Variants in MELK observed in about 807,000 individuals in gnomAD.
The protein encoded by MELK is maternal embryonic leucine zipper kinase.
A neutral mutation model predicts 85.0 loss-of-function variants in MELK; 81 were observed. The observed-to-expected ratio is 0.95, with a 90% CI of 0.80 to 1.15. MELK has a LOEUF of 1.15. Among genes scored for constraint, MELK ranks in the 50% most tolerant of loss-of-function variants. MELK has a pLI of 0.00. For synonymous variants in MELK, 252 were observed against 265.0 expected (o/e 0.95, Z 0.48); for missense variants, 754 against 777.5 (o/e 0.97, Z 0.36).
rs143806132 is a variant in MELK, at chr9:36,604,568, G to A, written c.568-3007G>A. ...CAACAGGACCATATTGGCCAGGCTGGTCTCGAACTCCTGACCTCAGCTGAT... is the reference window on the plus strand; with the variant it reads ...CAACAGGACCATATTGGCCAGGCTGATCTCGAACTCCTGACCTCAGCTGAT... On this transcript the variant is annotated intron_variant, in intron 7 of 17. Transcript: ENST00000298048. Among the ~76,000 whole-genome samples the A allele has an allele frequency of 3.5e-3, 540 of 152,136 alleles. 4 individuals carry two copies. The highest frequency in any genetic ancestry group is 6.9e-3 in the Middle Eastern group (2 of 290).
At chr9:36,674,104 G>C (rs10973021) in intron 16 of MELK, among the ~76,000 whole-genome samples, 11,935 of 152,220 alleles carry the variant, frequency 0.078, 678 homozygotes, top group Middle Eastern at 0.13. Context: ...GAAAGATATA[G>C]AAACTATGGT....
chr9:36,641,335 A>C (rs1829733820), intron 10 of MELK, among the ~76,000 whole-genome samples: 1 of 152,192 alleles, frequency 6.6e-6, no homozygotes, highest in South Asian at 2.1e-4. Flanking sequence ...TCTCTCTAGC[A>C]GATGATGAAA....
chr9:36,584,066 C>T (rs1367380701), intron 3 of MELK, among the ~76,000 whole-genome samples: 3 of 151,832 alleles, frequency 2.0e-5, no homozygotes, highest in Non-Finnish European at 4.4e-5. Context: ...AGTACAGTGG[C>T]GCGATCTCGG....
chr9:36,629,613 G>T (rs1408128435), intron 8 of MELK, among the ~76,000 whole-genome samples: 4 of 152,054 alleles, frequency 2.6e-5, no homozygotes, highest in Non-Finnish European at 5.9e-5. Context: ...GCTTCATTTT[G>T]TCAACTGATA....
At chr9:36,626,737 C>T (rs894669031) in intron 8 of MELK, among the ~76,000 whole-genome samples, 1 of 151,986 alleles carries the variant, frequency 6.6e-6, no homozygotes, top group African/African-American at 2.4e-5. Context: ...GCGGGCGGAT[C>T]ACCTGAGGTC....
chr9:36,647,064 T>C (rs1413618017), intron 11 of MELK, among the ~76,000 whole-genome samples: 1 of 152,182 alleles, frequency 6.6e-6, no homozygotes, highest in Non-Finnish European at 1.5e-5. Context: ...AACACAGAAC[T>C]CTCCTGTGCA....
At chr9:36,576,481 A>G (rs1821657868) in intron 1 of MELK, among the ~76,000 whole-genome samples, 1 of 151,956 alleles carries the variant, frequency 6.6e-6, no homozygotes, top group African/African-American at 2.4e-5. Context: ...TTGAGTGTCG[A>G]TATTTTTCCT....
intron 10 of MELK, among the ~76,000 whole-genome samples, chr9:36,641,794 A>C (rs184615917): frequency 6.6e-6 from 1 of 151,968 alleles, no homozygotes; most frequent in East Asian, 1.9e-4. Flanking sequence ...TTTAGTAGAG[A>C]CGGGGTTTCT....
intron 7 of MELK, among the ~76,000 whole-genome samples, chr9:36,602,211 G>T (rs970927897): frequency 5.3e-5 from 8 of 152,068 alleles, no homozygotes. Context: ...GTTTCACATG[G>T]GCTGGGCGCG....
At position 36,615,422 on chromosome 9, in the gene MELK, C is replaced by G. The variant is rs1173972727; in HGVS notation, c.666+7749C>G. ...ACCCCCCCACCTCCCTCCCGGACGG[C>G]ACGGCTGGCCAGGCGGGGGGCTGAC... On this transcript the variant is annotated intron_variant, in intron 8 of 17. Transcript: ENST00000298048. Among the ~76,000 whole-genome samples, 5 of 111,292 alleles carry G rather than the reference C, an allele frequency of 4.5e-5. No individual in the cohort carries two copies. In the East Asian group the frequency reaches 1.4e-3, roughly 31 times the overall value. The allele number at this position is 111,292 out of a possible 152,430, so 73.0% of individuals were successfully genotyped here.
In MELK at chr9:36,636,782, T is replaced by TTCTTTCTGTCTGTCTG. The variant is rs71494635; in HGVS notation, c.834+3585_834+3586insTTCTGTCTGTCTGTCT. Among the ~76,000 whole-genome samples the TTCTTTCTGTCTGTCTG allele has an allele frequency of 6.6e-3, 714 of 107,586 alleles. 5 individuals are homozygous for TTCTTTCTGTCTGTCTG. The highest frequency in any genetic ancestry group is 8.6e-3 in the Middle Eastern group (2 of 232). The allele number at this position is 107,586 out of a possible 152,430, so 70.6% of individuals were successfully genotyped here. On this transcript the variant is annotated intron_variant, in intron 10 of 17. Transcript: ENST00000298048. ...TTTCTTTCTTTCTTTCTTTCTTTCT[T>TTCTTTCTGTCTGTCTG]TCTGTCTGTCTTTCTTTCTTTCTGT...
intron 17 of MELK, 105 bp from the exon 18 acceptor site, chr9:36,677,055 A>G: frequency 2.1e-6 from 2 of 973,974 alleles, no homozygotes; most frequent in East Asian, 4.9e-5. Context: ...ATTGCTTAAT[A>G]TGAAATAATG....
chr9:36,611,464 A>C (rs977082888), intron 8 of MELK, among the ~76,000 whole-genome samples: 1 of 152,178 alleles, frequency 6.6e-6, no homozygotes, highest in African/African-American at 2.4e-5. Flanking sequence ...TAGCTAATGG[A>C]TTTAATTCTT....
intron 10 of MELK, among the ~76,000 whole-genome samples, chr9:36,634,275 T>C (rs775106579): frequency 7.2e-5 from 11 of 152,242 alleles, no homozygotes; most frequent in Non-Finnish European, 1.2e-4. Flanking sequence ...TAAAATTCTA[T>C]CATTGACAAC....
chr9:36,634,221 G>A (rs1345215697), intron 10 of MELK, among the ~76,000 whole-genome samples: 2 of 152,194 alleles, frequency 1.3e-5, no homozygotes, highest in Non-Finnish European at 2.9e-5. Flanking sequence ...CAAGATCATG[G>A]TGGCAAATAA....
chr9:36,584,568 C>T (rs1371992276), intron 3 of MELK, among the ~76,000 whole-genome samples: 3 of 148,168 alleles, frequency 2.0e-5, no homozygotes, highest in Admixed American at 6.8e-5. Context: ...CTCCAGACCT[C>T]GTGAACCGCG....
chr9:36,651,964 C>A, intron 12 of MELK, 87 bp downstream of exon 12: 2 of 1,244,614 alleles, frequency 1.6e-6, no homozygotes, highest in South Asian at 5.0e-5. Flanking sequence ...TTTCCGGTGT[C>A]AAGGAGTCAG....
intron 8 of MELK, among the ~76,000 whole-genome samples, chr9:36,623,290 C>T (rs7019260): frequency 0.034 from 5,248 of 152,282 alleles, 296 homozygotes; most frequent in African/African-American, 0.12. Context: ...TTGGTTTCTC[C>T]ATTTGTATAA....
chr9:36,657,169 A>G, intron 12 of MELK, 72 bp from the exon 13 acceptor site: 1 of 1,483,468 alleles, frequency 6.7e-7, no homozygotes, highest in Non-Finnish European at 9.1e-7. Context: ...TCGTTAAGTG[A>G]CGCGTGACTG....
Sources: allele counts gnomAD v4.1 joint callset (sites outside exome capture counted in the v4.1 genomes callset), GRCh38; gene constraint gnomAD v4.1.1; transcripts MANE v1.5; gene names NCBI Gene and HGNC (gene_info 2026-07-23, HGNC 2026-07-21).